Variants in IGF1R observed in about 807,000 individuals in gnomAD.
The protein encoded by IGF1R is insulin like growth factor 1 receptor.
Under a neutral mutation model 144.6 loss-of-function variants are expected in IGF1R, and 44 were observed. The observed-to-expected ratio is 0.30, with a 90% CI of 0.24 to 0.39. IGF1R has a LOEUF of 0.39. Among genes scored for constraint, IGF1R ranks in the 10% least tolerant of loss-of-function variants. The pLI, the probability that IGF1R is intolerant of heterozygous loss-of-function variation, is 1.00. For synonymous variants in IGF1R, 795 were observed against 722.8 expected, an observed-to-expected ratio of 1.10 and a Z score of -1.60; for missense variants, 1,355 against 1,833.7, an observed-to-expected ratio of 0.74 and a Z score of 4.77.
chr15:98,831,388 C>T (rs1395400916), intron 2 of IGF1R, among the ~76,000 whole-genome samples: 1 of 152,228 alleles, frequency 6.6e-6, no homozygotes, highest in Admixed American at 6.5e-5. Flanking sequence ...ATATAGCCCA[C>T]TGTTATCTGT....
In IGF1R at chr15:98,958,449, T is replaced by G. The variant is rs532473443; in HGVS notation, c.*1007T>G. On this transcript the variant is annotated 3_prime_UTR_variant, in exon 21 of 21. Transcript: ENST00000650285. ...CCAAGGACACAGATGGGAAGGGGTT[T>G]CCAGGGACTCAGCCCCACTGTTGAT... is the stretch of plus-strand genomic sequence containing the variant. 148 of 231,208 alleles carry G rather than the reference T, an allele frequency of 6.4e-4. No individual in the cohort carries two copies. The highest frequency in any genetic ancestry group is 3.0e-3 in the African/African-American group (138 of 45,274). The allele number at this position is 231,208 out of a possible 1,614,324, so 14.3% of individuals were successfully genotyped here.
chr15:98,809,046 A>G (rs1408163741), intron 2 of IGF1R, among the ~76,000 whole-genome samples: 1 of 152,160 alleles, frequency 6.6e-6, no homozygotes, highest in Non-Finnish European at 1.5e-5. Context: ...CCTATCCTGA[A>G]TGTTTCAGGC....
chr15:98,858,583 A>G (rs899379225), intron 2 of IGF1R, among the ~76,000 whole-genome samples: 2 of 152,196 alleles, frequency 1.3e-5, no homozygotes, highest in Non-Finnish European at 2.9e-5. Context: ...CACAAGGACA[A>G]TCTCAGCCAT....
chr15:98,776,148 A>G (rs115533451), intron 2 of IGF1R, among the ~76,000 whole-genome samples: 3,063 of 150,108 alleles, frequency 0.02, 99 homozygotes, highest in African/African-American at 0.07. Flanking sequence ...AGAAATTTTT[A>G]TTTATTTATT....
At chr15:98,927,892 A>G (rs1223370752) in intron 13 of IGF1R, among the ~76,000 whole-genome samples, 1 of 152,148 alleles carries the variant, frequency 6.6e-6, no homozygotes, top group Non-Finnish European at 1.5e-5. Context: ...CCACATAGAC[A>G]TCTGTATTTG....
chr15:98,746,156 TTTGCATCTGC>T (rs1160731386), intron 2 of IGF1R, among the ~76,000 whole-genome samples: 8 of 152,152 alleles, frequency 5.3e-5, no homozygotes, highest in Non-Finnish European at 1.0e-4. Context: ...AGACTGCATG[TTTGCATCTGC>T]TTGTATTTGT....
At chr15:98,693,976 A>G (rs1161227792) in intron 1 of IGF1R, among the ~76,000 whole-genome samples, 2 of 152,156 alleles carry the variant, frequency 1.3e-5, no homozygotes, top group African/African-American at 4.8e-5. Flanking sequence ...GTGCTATCCT[A>G]AAGAGGAGTA....
intron 17 of IGF1R, 98 bp from the exon 18 acceptor site, chr15:98,939,103 C>G (rs2151713530): frequency 3.0e-6 from 3 of 988,034 alleles, no homozygotes; most frequent in Non-Finnish European, 4.7e-6. Context: ...ACCCACGGTG[C>G]CCAGATTGAA....
In IGF1R at chr15:98,957,319, C is replaced by CG; in HGVS notation, c.3983dup (p.Gly1330ArgfsTer44). ...GACACTCAGGACACAAGGCCGAGAACGGCCCCGGCCCTGGGGTGCTGGTCC... is the reference window on the plus strand; with the variant it reads ...GACACTCAGGACACAAGGCCGAGAACGGGCCCCGGCCCTGGGGTGCTGGTCC... On this transcript the variant is annotated frameshift_variant, in exon 21 of 21. Coordinates refer to ENST00000650285, the MANE Select transcript of IGF1R (RefSeq NM_000875.5). LOFTEE classifies it high-confidence loss of function. 3.1e-6 allele frequency: 5 copies of CG among 1,612,308 alleles called. No homozygotes were observed. Among genetic ancestry groups the CG allele is most frequent in the Non-Finnish European group, 3.4e-6 (4 of 1,178,768 alleles).
Position 98,736,864 on chromosome 15 carries a change from G to A in IGF1R, c.640+28757G>A, listed in dbSNP as rs189504680. On this transcript the variant is annotated intron_variant, in intron 2 of 20. Transcript: ENST00000650285. ...TAAGCTCAGGCAATCCGCCTATCTC[G>A]GGCTCCCAAAGTGCTAGGATTACAG... Among the ~76,000 whole-genome samples the A allele has an allele frequency of 4.6e-3, 699 of 152,090 alleles. 8 individuals carry two copies. The highest frequency in any genetic ancestry group is 0.016 in the African/African-American group (658 of 41,502).
intron 2 of IGF1R, among the ~76,000 whole-genome samples, chr15:98,758,351 G>C (rs1186870808): frequency 6.6e-6 from 1 of 151,970 alleles, no homozygotes; most frequent in African/African-American, 2.4e-5. Flanking sequence ...GCTGAGCTTG[G>C]TCACCCTCCC....
intron 2 of IGF1R, among the ~76,000 whole-genome samples, chr15:98,852,372 A>T (rs911260468): frequency 6.6e-6 from 1 of 152,152 alleles, no homozygotes; most frequent in African/African-American, 2.4e-5. Context: ...CCGTGGACCA[A>T]GGTTGTTTAC....
chr15:98,952,248 CAG>C (rs1420731684), intron 20 of IGF1R, among the ~76,000 whole-genome samples: 14 of 151,758 alleles, frequency 9.2e-5, no homozygotes, highest in South Asian at 4.2e-4. Flanking sequence ...CTCCAGGACA[CAG>C]GGGAGAGGAC....
At chr15:98,897,941 A>G (rs967871089) in intron 4 of IGF1R, among the ~76,000 whole-genome samples, 1 of 147,662 alleles carries the variant, frequency 6.8e-6, no homozygotes, top group Non-Finnish European at 1.5e-5. Context: ...TTTTTTTTAC[A>G]GTTTGAGAGG....
rs146992950 is a variant in IGF1R, at chr15:98,697,519, A to G, written c.95-10043A>G. On this transcript the variant is annotated intron_variant, in intron 1 of 20. Transcript: ENST00000650285. ...ATGCAGTCCCACAGCCACACCTGGT[A>G]TGGGTGGCATCTTTAAAGGCCTGGC... is the stretch of plus-strand genomic sequence containing the variant. Among the ~76,000 whole-genome samples, 8 of 151,602 alleles carry G rather than the reference A, an allele frequency of 5.3e-5. No individual in the cohort carries two copies. In the East Asian group the frequency reaches 7.9e-4, roughly 15 times the overall value.
chr15:98,675,236 A>G (rs1399428227), intron 1 of IGF1R, among the ~76,000 whole-genome samples: 1 of 152,052 alleles, frequency 6.6e-6, no homozygotes, highest in Non-Finnish European at 1.5e-5. Context: ...TGATCTGCCC[A>G]CCTTGGTCTC....
At chr15:98,939,589 T>C (rs2016289735) in intron 18 of IGF1R, among the ~76,000 whole-genome samples, 1 of 152,224 alleles carries the variant, frequency 6.6e-6, no homozygotes, top group Non-Finnish European at 1.5e-5. Context: ...GCACGGTCCC[T>C]GAGGCTGGCT....
intron 2 of IGF1R, among the ~76,000 whole-genome samples, chr15:98,815,077 T>G (rs1007632543): frequency 6.6e-6 from 1 of 152,244 alleles, no homozygotes; most frequent in Non-Finnish European, 1.5e-5. Context: ...AGCTCTATTC[T>G]GATACTGTTA....
intron 2 of IGF1R, among the ~76,000 whole-genome samples, chr15:98,841,293 T>A (rs1247781387): frequency 6.6e-6 from 1 of 152,246 alleles, no homozygotes; most frequent in Non-Finnish European, 1.5e-5. Context: ...TTCAAATCCT[T>A]GGCCTGCCAT....
Sources: gnomAD v4.1 joint callset for allele counts (sites outside exome capture counted in the v4.1 genomes callset) on GRCh38, gnomAD v4.1.1 for gene constraint, MANE v1.5 for transcripts, NCBI Gene and HGNC (gene_info 2026-07-23, HGNC 2026-07-21) for gene names.